The following NRG1 variants were observed in gnomAD, a reference collection of about 807,000 sequenced individuals.
NRG1 encodes the protein pro-neuregulin-1, membrane-bound isoform.
Under a neutral mutation model 63.8 loss-of-function variants are expected in NRG1, and 18 were observed. The ratio of observed to expected loss-of-function variants is 0.28; its 90% confidence interval spans 0.19 to 0.42. The LOEUF (loss-of-function observed/expected upper bound fraction) is 0.42. Among genes scored for constraint, NRG1 ranks in the 10% least tolerant of loss-of-function variants. The probability of loss-of-function intolerance (pLI) is 1.00; values close to 1 mark genes in which losing one functional copy is unlikely to be tolerated. For missense variants in NRG1, 762 were observed against 814.7 expected, an observed-to-expected ratio of 0.94 and a Z score of 0.79; for synonymous variants, 302 against 301.3, an observed-to-expected ratio of 1.00 and a Z score of -0.02.
chr8:32,199,124 G>A (rs1026937356), intron 1 of NRG1, among the ~76,000 whole-genome samples: 6 of 152,046 alleles, frequency 3.9e-5, no homozygotes, highest in Non-Finnish European at 7.4e-5. Context: ...TTATAAGCCT[G>A]TTGATAATTT....
At chr8:31,945,887 T>C (rs1032600052) in intron 1 of NRG1, among the ~76,000 whole-genome samples, 4 of 152,224 alleles carry the variant, frequency 2.6e-5, no homozygotes, top group African/African-American at 9.6e-5. Flanking sequence ...TCCAGCTGAC[T>C]ATCATCTGCA....
intron 1 of NRG1, among the ~76,000 whole-genome samples, chr8:32,304,982 T>C (rs1856023106): frequency 6.6e-6 from 1 of 151,832 alleles, no homozygotes; most frequent in Non-Finnish European, 1.5e-5. Flanking sequence ...GCCACTGCAC[T>C]CCAGCCTGGG....
At chr8:32,238,929 T>C (rs1165278937) in intron 1 of NRG1, among the ~76,000 whole-genome samples, 1 of 152,114 alleles carries the variant, frequency 6.6e-6, no homozygotes, top group African/African-American at 2.4e-5. Flanking sequence ...AACAGAGACA[T>C]ACTTTTCACG....
chr8:32,624,659 A>G (rs537028579), intron 5 of NRG1, among the ~76,000 whole-genome samples: 2 of 152,318 alleles, frequency 1.3e-5, no homozygotes, highest in Admixed American at 6.5e-5. Flanking sequence ...ATTAGTACCT[A>G]TGAGCCATTA....
chr8:32,435,382 A>C (rs1818659661), intron 1 of NRG1, among the ~76,000 whole-genome samples: 1 of 152,172 alleles, frequency 6.6e-6, no homozygotes, highest in African/African-American at 2.4e-5. Flanking sequence ...GAAAGTTCAC[A>C]AATATGGTAA....
At chr8:32,676,209 G>A (rs562676225) in intron 5 of NRG1, among the ~76,000 whole-genome samples, 8 of 152,146 alleles carry the variant, frequency 5.3e-5, no homozygotes, top group Non-Finnish European at 1.0e-4. Flanking sequence ...AGTGACTCCC[G>A]CTTTTTCTAA....
chr8:32,224,246 G>C (rs531557734), intron 1 of NRG1, among the ~76,000 whole-genome samples: 1 of 152,120 alleles, frequency 6.6e-6, no homozygotes, highest in Non-Finnish European at 1.5e-5. Context: ...CCAAGCGGCT[G>C]AATGAGGCAA....
intron 1 of NRG1, among the ~76,000 whole-genome samples, chr8:32,195,430 C>T (rs1842864028): frequency 9.7e-6 from 1 of 103,406 alleles, no homozygotes; most frequent in Non-Finnish European, 1.9e-5. Flanking sequence ...AAGAGTGAGA[C>T]CCTGTCTCAA....
intron 1 of NRG1, among the ~76,000 whole-genome samples, chr8:31,850,649 A>G (rs1233935510): frequency 6.6e-6 from 1 of 152,090 alleles, no homozygotes; most frequent in Non-Finnish European, 1.5e-5. Context: ...CCAGAGCTGT[A>G]TAGGGATTTA....
intron 1 of NRG1, among the ~76,000 whole-genome samples, chr8:32,469,250 A>T (rs1281785897): frequency 1.3e-5 from 2 of 152,206 alleles, no homozygotes; most frequent in Non-Finnish European, 2.9e-5. Flanking sequence ...GGAAAGAGAG[A>T]TGTTTAGTAC....
chr8:32,534,152 G>A (rs576908118), intron 1 of NRG1, among the ~76,000 whole-genome samples: 1 of 152,172 alleles, frequency 6.6e-6, no homozygotes, highest in South Asian at 2.1e-4. Flanking sequence ...TCAGAATATG[G>A]TAATGAGGAA....
chr8:32,035,305 CTGTT>C (rs1393477016), intron 1 of NRG1, among the ~76,000 whole-genome samples: 2 of 151,980 alleles, frequency 1.3e-5, no homozygotes, highest in Non-Finnish European at 2.9e-5. Context: ...GTCTAAGAGA[CTGTT>C]TGTTGTTATT....
intron 1 of NRG1, among the ~76,000 whole-genome samples, chr8:32,429,312 G>A (rs1041837551): frequency 2.6e-5 from 4 of 152,174 alleles, no homozygotes; most frequent in African/African-American, 7.2e-5. Flanking sequence ...ACCAAAGTTT[G>A]AAGGTAAGTG....
At chr8:32,658,165 G>A (rs561991249) in intron 5 of NRG1, among the ~76,000 whole-genome samples, 12 of 152,066 alleles carry the variant, frequency 7.9e-5, no homozygotes, top group Non-Finnish European at 1.8e-4. Context: ...CTACATAGCC[G>A]CTGCCTATTT....
At chr8:32,020,078 T>C (rs1354308825) in intron 1 of NRG1, among the ~76,000 whole-genome samples, 6 of 152,144 alleles carry the variant, frequency 3.9e-5, no homozygotes, top group Non-Finnish European at 7.4e-5. Context: ...ATTAAAACCG[T>C]GGATGAGTTT....
chr8:32,481,353 T>TAAAC (rs1257713397), intron 1 of NRG1, among the ~76,000 whole-genome samples: 8 of 134,938 alleles, frequency 5.9e-5, no homozygotes, highest in African/African-American at 5.6e-5. Flanking sequence ...AATAAATAAA[T>TAAAC]AAATAAACAA....
intron 1 of NRG1, among the ~76,000 whole-genome samples, chr8:32,041,489 G>C (rs1364525976): frequency 6.6e-6 from 1 of 152,166 alleles, no homozygotes; most frequent in Non-Finnish European, 1.5e-5. Context: ...ACAAAACCAG[G>C]CGTGAGTTTA....
chr8:31,683,825 T>G (rs1808593176), intron 1 of NRG1, among the ~76,000 whole-genome samples: 1 of 152,140 alleles, frequency 6.6e-6, no homozygotes, highest in Non-Finnish European at 1.5e-5. Flanking sequence ...CTCACTACTT[T>G]CTGTTCTATG....
At chr8:32,141,978 G>C (rs1274490004) in intron 1 of NRG1, among the ~76,000 whole-genome samples, 1 of 152,060 alleles carries the variant, frequency 6.6e-6, no homozygotes, top group Admixed American at 6.5e-5. Context: ...GGAAGCCTTT[G>C]GACTCTGTTG....
Sources: gnomAD v4.1 joint callset for allele counts (sites outside exome capture counted in the v4.1 genomes callset) on GRCh38, gnomAD v4.1.1 for gene constraint, MANE v1.5 for transcripts, NCBI Gene and HGNC (gene_info 2026-07-23, HGNC 2026-07-21) for gene names.